PROX1: variants seen among roughly 807,000 people sequenced by gnomAD.
The protein encoded by PROX1 is prospero homeobox protein 1.
In PROX1, 7 loss-of-function variants were observed where a neutral mutation model predicts 58.8. The ratio of observed to expected loss-of-function variants is 0.12; its 90% CI spans 0.07 to 0.22. PROX1 has a LOEUF of 0.22. PROX1 is among the 10% of genes least tolerant of loss of function. The probability of loss-of-function intolerance (pLI) is 1.00; values close to 1 mark genes in which losing one functional copy is unlikely to be tolerated. For synonymous variants in PROX1, 350 were observed against 358.3 expected, an observed-to-expected ratio of 0.98 and a Z score of 0.26; for missense variants, 675 against 927.8, an observed-to-expected ratio of 0.73 and a Z score of 3.54.
chr1:214,013,245 G>T (rs17021777), intron 4 of PROX1, among the ~76,000 whole-genome samples: 3,579 of 152,152 alleles, frequency 0.024, 162 homozygotes, highest in East Asian at 0.12. Context: ...AGTCTCAGTT[G>T]TAATAGAGCA....
chr1:214,007,166 T>C (rs568735788), intron 3 of PROX1, among the ~76,000 whole-genome samples: 1 of 152,354 alleles, frequency 6.6e-6, no homozygotes, highest in African/African-American at 2.4e-5. Context: ...CCCATTCCTC[T>C]AGAATGCCCC....
At chr1:214,020,764 C>G (rs775798932) in intron 4 of PROX1, among the ~76,000 whole-genome samples, 1 of 152,164 alleles carries the variant, frequency 6.6e-6, no homozygotes, top group Non-Finnish European at 1.5e-5. Flanking sequence ...TTAAATGTCT[C>G]CATCTTTGAG....
intron 3 of PROX1, among the ~76,000 whole-genome samples, chr1:214,007,700 T>C (rs993902008): frequency 6.6e-6 from 1 of 152,252 alleles, no homozygotes; most frequent in African/African-American, 2.4e-5. Flanking sequence ...AATACACATA[T>C]ACATATATAC....
At chr1:213,985,146 G>T (rs1418514090), upstream of PROX1, 2 of 152,382 alleles carry the variant, frequency 1.3e-5, no homozygotes, top group Admixed American at 6.5e-5. Context: ...AGTTACTGGG[G>T]TTGTGTTGGA....
intron 1 of PROX1, 70 bp from the exon 2 acceptor site, chr1:213,996,399 G>A: frequency 9.6e-7 from 1 of 1,043,648 alleles, no homozygotes; most frequent in Non-Finnish European, 1.4e-6. Context: ...ATTTGATTCA[G>A]GATTGAGGTC....
At chr1:214,004,540 C>A (rs1170919719) in intron 2 of PROX1, among the ~76,000 whole-genome samples, 1 of 152,136 alleles carries the variant, frequency 6.6e-6, no homozygotes, top group Non-Finnish European at 1.5e-5. Context: ...CTGTCCTCTC[C>A]ATGCCAAAAC....
chr1:214,036,026 TTTTCTTTCTGCC>T lies in PROX1; in HGVS notation c.*196_*207del. ...GTTTTCCATTGCAAGGGGATGGTTG[TTTTCTTTCTGCC>T]TTTAGTTTGCTTTTGCCCAAGGCCC... On this transcript the variant is annotated 3_prime_UTR_variant, in exon 5 of 5. Transcript: ENST00000366958. 2.1e-6 allele frequency: 1 copy of T among 475,426 alleles called. No individual in the cohort carries two copies. Among genetic ancestry groups the T allele is most frequent in the Middle Eastern group, 5.9e-4 (1 of 1,706 alleles). The allele number at this position is 475,426 out of a possible 1,614,324, so 29.5% of individuals were successfully genotyped here.
Position 214,016,118 on chromosome 1 carries a change from G to C in PROX1, c.2028+4403G>C, listed in dbSNP as rs1032091501. 3.3e-5 allele frequency among the ~76,000 whole-genome samples: 5 copies of C among 152,092 alleles called. No homozygotes were observed. In the East Asian group the frequency reaches 9.6e-4, roughly 29 times the overall value. On this transcript the variant is annotated intron_variant, in intron 4 of 4. Transcript: ENST00000366958. The stretch of plus-strand genomic sequence containing the variant: ...ACATTTTTCTGGGTGACACATGACA[G>C]GGAAGAAGGGTACTTCCGCACACCT...
chr1:214,022,809 T>G (rs956514655), intron 4 of PROX1, among the ~76,000 whole-genome samples: 1 of 152,182 alleles, frequency 6.6e-6, no homozygotes, highest in African/African-American at 2.4e-5. Flanking sequence ...GCTCTGAAAT[T>G]TTGTGACTCT....
At chr1:214,022,794 T>C (rs1450256874) in intron 4 of PROX1, among the ~76,000 whole-genome samples, 1 of 152,176 alleles carries the variant, frequency 6.6e-6, no homozygotes, top group Non-Finnish European at 1.5e-5. Flanking sequence ...GGCAGTTTCA[T>C]TCTAGCTCTG....
chr1:214,024,736 T>C (rs1026391476), intron 4 of PROX1, among the ~76,000 whole-genome samples: 3 of 152,192 alleles, frequency 2.0e-5, no homozygotes, highest in African/African-American at 4.8e-5. Flanking sequence ...ACGTAATACA[T>C]TCTCGAACGA....
At position 214,034,481 on chromosome 1, in the gene PROX1, A is replaced by C. The variant is rs143435421; in HGVS notation, c.2029-1168A>C. ...TTTACTGGTGTATAAGTACCCCACTAAAAGAAATCTACTAAGTGTCAATGT... is the reference window on the plus strand; with the variant it reads ...TTTACTGGTGTATAAGTACCCCACTCAAAGAAATCTACTAAGTGTCAATGT... On this transcript the variant is annotated intron_variant, in intron 4 of 4. Transcript: ENST00000366958. Among the ~76,000 whole-genome samples the C allele has an allele frequency of 5.3e-5, 8 of 152,326 alleles. No individual in the cohort carries two copies. In the East Asian group the frequency reaches 1.5e-3, roughly 29 times the overall value.
At chr1:214,001,063 T>C (rs1663493709) in intron 2 of PROX1, among the ~76,000 whole-genome samples, 1 of 152,234 alleles carries the variant, frequency 6.6e-6, no homozygotes, top group Non-Finnish European at 1.5e-5. Flanking sequence ...AACTGTTATA[T>C]ATAATTTAAT....
chr1:214,010,037 T>C (rs1294005029), intron 3 of PROX1, among the ~76,000 whole-genome samples: 1 of 152,160 alleles, frequency 6.6e-6, no homozygotes, highest in East Asian at 1.9e-4. Flanking sequence ...TCTATTGAAA[T>C]CGGCAACCAG....
In PROX1 at chr1:214,038,535, A is replaced by G. The variant is rs887626275; in HGVS notation, c.*2701A>G. 1 of 152,214 alleles carries G rather than the reference A, an allele frequency of 6.6e-6. No homozygotes were observed. The highest frequency in any genetic ancestry group is 6.5e-5 in the Admixed American group (1 of 15,284). 9.4% of individuals were successfully genotyped at this position (152,214 alleles called of 1,614,324 possible). On this transcript the variant is annotated 3_prime_UTR_variant, in exon 5 of 5. Transcript: ENST00000366958. ...CATAGGAAAAGAAAAAAAAAAGTCT[A>G]AAGTCCATGTTGAAAAACCACACTA...
intron 4 of PROX1, among the ~76,000 whole-genome samples, chr1:214,014,640 A>T (rs1214570578): frequency 6.6e-6 from 1 of 152,254 alleles, no homozygotes; most frequent in Admixed American, 6.5e-5. Context: ...TGATACCAAT[A>T]TAATAACAAG....
Position 214,037,260 on chromosome 1 carries a change from C to G in PROX1, c.*1426C>G, listed in dbSNP as rs1664858777. 1 of 152,106 alleles carries G rather than the reference C, an allele frequency of 6.6e-6. No individual in the cohort carries two copies. Among genetic ancestry groups the G allele is most frequent in the South Asian group, 2.1e-4 (1 of 4,824 alleles). The allele number at this position is 152,106 out of a possible 1,614,324, so 9.4% of individuals were successfully genotyped here. ...TTAGGTGGGTTTTTGTGTCCAGATG[C>G]AGTAAGAATTCATTGTTCATCCTAA... On this transcript the variant is annotated 3_prime_UTR_variant, in exon 5 of 5. Transcript: ENST00000366958.
At chr1:214,029,020 T>TTAAG (rs1479053623) in intron 4 of PROX1, 3 of 152,226 alleles carry the variant, frequency 2.0e-5, no homozygotes, top group African/African-American at 7.2e-5. Context: ...GTTTATCCAT[T>TTAAG]TAAGTCCACT....
At position 213,998,027 on chromosome 1, in the gene PROX1, G is replaced by A; in HGVS notation, c.1492G>A (p.Gly498Ser). The change falls in exon 2 of 5, where the codon GGT (glycine) becomes AGT (serine). Residue 498 changes from glycine (G) to serine (S), a missense_variant. This residue lies in a region of PROX1 where 403 missense variants were observed against 477.4 expected (regional missense o/e 0.84). Coordinates refer to ENST00000366958, the MANE Select transcript of PROX1 (RefSeq NM_001270616.2). ...LMAYPFQSPLGAPSGSFSGKD... is the reference protein window; with the variant it reads ...LMAYPFQSPLSAPSGSFSGKD... ...GGCCTATCCATTTCAGAGCCCATTAGGTGCTCCCTCCGGCTCCTTCTCTGG... is the reference window on the plus strand; with the variant it reads ...GGCCTATCCATTTCAGAGCCCATTAAGTGCTCCCTCCGGCTCCTTCTCTGG... 1.2e-6 allele frequency: 2 copies of A among 1,612,364 alleles called. No homozygotes were observed. The highest frequency in any genetic ancestry group is 1.7e-6 in the Non-Finnish European group (2 of 1,179,004).
Sources: allele counts gnomAD v4.1 joint callset (sites outside exome capture counted in the v4.1 genomes callset), GRCh38; gene constraint gnomAD v4.1.1; regional missense constraint gnomAD v4.1.1; transcripts MANE v1.5; gene names NCBI Gene and HGNC (gene_info 2026-07-23, HGNC 2026-07-21).